The following LIMCH1 variants were observed in gnomAD, a reference collection of about 807,000 sequenced individuals.
The protein encoded by LIMCH1 is LIM and calponin homology domains 1, also known as LIM and calponin homology domains-containing protein 1.
Under a neutral mutation model 176.5 loss-of-function variants are expected in LIMCH1, and 113 were observed. That is an observed-to-expected ratio of 0.64 (90% confidence interval 0.55 to 0.75). The LOEUF is 0.75. LIMCH1 is among the 30% of genes least tolerant of loss of function. The probability of loss-of-function intolerance (pLI) is 0.00; values close to 1 mark genes in which losing one functional copy is unlikely to be tolerated. For synonymous variants in LIMCH1, 619 were observed against 645.9 expected, an observed-to-expected ratio of 0.96 and a Z score of 0.63; for missense variants, 1,674 against 1,814.9, an observed-to-expected ratio of 0.92 and a Z score of 1.41.
At chr4:41,477,151 A>G (rs2067869652) in intron 1 of LIMCH1, among the ~76,000 whole-genome samples, 1 of 152,184 alleles carries the variant, frequency 6.6e-6, no homozygotes, top group Non-Finnish European at 1.5e-5. Context: ...TGCTAGCTAT[A>G]GGAAATTGGG....
At chr4:41,497,976 C>T (rs981998844) in intron 2 of LIMCH1, among the ~76,000 whole-genome samples, 2 of 152,054 alleles carry the variant, frequency 1.3e-5, no homozygotes, top group Admixed American at 6.6e-5. Flanking sequence ...GGTGGCAGTG[C>T]AGAGGGTGAA....
At chr4:41,463,645 G>A (rs1333813117) in intron 1 of LIMCH1, among the ~76,000 whole-genome samples, 3 of 150,860 alleles carry the variant, frequency 2.0e-5, no homozygotes, top group Non-Finnish European at 2.9e-5. Flanking sequence ...TCATGATCTC[G>A]GCTCACTGCA....
chr4:41,552,712 T>C (rs2152520514), intron 1 of LIMCH1, among the ~76,000 whole-genome samples: 1 of 152,344 alleles, frequency 6.6e-6, no homozygotes, highest in Non-Finnish European at 1.5e-5. Context: ...GGAGCTTGGA[T>C]AAAATAGCTT....
rs544514037 is a variant in LIMCH1, at chr4:41,402,365, T to G, written c.96+41429T>G. Among the ~76,000 whole-genome samples the G allele has an allele frequency of 2.0e-5, 3 of 151,430 alleles. No homozygotes were observed. In the East Asian group the frequency reaches 5.8e-4, roughly 29 times the overall value. ...GGATGTGGAGAAATAGGAACACTTT[T>G]ACACGGTTGGTGGGACTGTAAACTA... is the stretch of plus-strand genomic sequence containing the variant. On this transcript the variant is annotated intron_variant, in intron 1 of 26. Transcript: ENST00000313860.
chr4:41,396,342 A>C (rs956128580), intron 1 of LIMCH1, among the ~76,000 whole-genome samples: 1 of 152,198 alleles, frequency 6.6e-6, no homozygotes, highest in Admixed American at 6.5e-5. Flanking sequence ...TGAAATCTGC[A>C]TGTCTATTTC....
At chr4:41,654,771 G>C (rs1410497461) in intron 18 of LIMCH1, among the ~76,000 whole-genome samples, 1 of 152,160 alleles carries the variant, frequency 6.6e-6, no homozygotes, top group Non-Finnish European at 1.5e-5. Flanking sequence ...ACCCCAAGAA[G>C]GATAAGAGGT....
At chr4:41,388,569 A>G (rs1465433813) in intron 1 of LIMCH1, among the ~76,000 whole-genome samples, 1 of 152,258 alleles carries the variant, frequency 6.6e-6, no homozygotes, top group African/African-American at 2.4e-5. Context: ...GCACAATTCT[A>G]TAAATTCACT....
intron 1 of LIMCH1, among the ~76,000 whole-genome samples, chr4:41,558,062 C>T (rs1291733892): frequency 6.6e-6 from 1 of 152,002 alleles, no homozygotes; most frequent in African/African-American, 2.4e-5. Context: ...CTCAAGGACC[C>T]CTCACGGTGC....
chr4:41,371,365 G>T (rs1323255025), intron 1 of LIMCH1, among the ~76,000 whole-genome samples: 1 of 152,172 alleles, frequency 6.6e-6, no homozygotes, highest in Non-Finnish European at 1.5e-5. Context: ...TTAGGACCAT[G>T]ATGAAAAATC....
chr4:41,407,149 T>C (rs925797708), intron 1 of LIMCH1, among the ~76,000 whole-genome samples: 2 of 152,048 alleles, frequency 1.3e-5, no homozygotes, highest in African/African-American at 4.8e-5. Context: ...TTTGTGTTGG[T>C]CCTCGTGTTT....
At chr4:41,371,753 A>T (rs2054001073) in intron 1 of LIMCH1, among the ~76,000 whole-genome samples, 1 of 152,160 alleles carries the variant, frequency 6.6e-6, no homozygotes, top group African/African-American at 2.4e-5. Context: ...TAGTGCCCAC[A>T]TGATAGTTCT....
In LIMCH1 at chr4:41,681,051, G is replaced by A. The variant is rs754515014; in HGVS notation, c.3709G>A (p.Gly1237Arg). The change falls in exon 25 of 32, where the codon GGG (glycine) becomes AGG (arginine). Residue 1237 changes from glycine to arginine, a missense_variant. Transcript: ENST00000503057. ...STSSSMTEGS[G>R]TMNKIDLGNC... ...CTCTTCCTCCATGACTGAAGGCAGT[G>A]GGACAATGGTGAGACCACAGATTAA... 6.2e-7 allele frequency: 1 copy of A among 1,601,120 alleles called. No individual in the cohort carries two copies. The highest frequency in any genetic ancestry group is 8.6e-7 in the Non-Finnish European group (1 of 1,169,034).
chr4:41,430,497 C>G (rs1037819670), intron 1 of LIMCH1, among the ~76,000 whole-genome samples: 5 of 152,210 alleles, frequency 3.3e-5, no homozygotes, highest in African/African-American at 1.2e-4. Flanking sequence ...CTCCTGACCT[C>G]AAGATCTGTC....
intron 1 of LIMCH1, among the ~76,000 whole-genome samples, chr4:41,393,946 T>G (rs1267946633): frequency 6.6e-6 from 1 of 152,186 alleles, no homozygotes; most frequent in African/African-American, 2.4e-5. Flanking sequence ...CGTTTTACTG[T>G]GTCATTAGGA....
At chr4:41,684,584 A>G in intron 27 of LIMCH1, 66 bp downstream of exon 27, 1 of 1,576,124 alleles carries the variant, frequency 6.3e-7, no homozygotes, top group Non-Finnish European at 8.7e-7. Context: ...CATTGTCCAG[A>G]AAGCTATGAT....
At chr4:41,545,075 C>T (rs907979291) in intron 1 of LIMCH1, among the ~76,000 whole-genome samples, 2 of 152,224 alleles carry the variant, frequency 1.3e-5, no homozygotes, top group Non-Finnish European at 2.9e-5. Context: ...CTTTGTATAA[C>T]CTCAAAGTCA....
At chr4:41,509,805 C>T (rs1369850602) in intron 2 of LIMCH1, among the ~76,000 whole-genome samples, 2 of 152,130 alleles carry the variant, frequency 1.3e-5, no homozygotes, top group African/African-American at 4.8e-5. Context: ...TGAATCCTCA[C>T]CAAATAAATA....
At chr4:41,440,074 T>C (rs924447706) in intron 1 of LIMCH1, among the ~76,000 whole-genome samples, 1 of 152,308 alleles carries the variant, frequency 6.6e-6, no homozygotes, top group South Asian at 2.1e-4. Context: ...TACTGTGTAA[T>C]TTACAGCTGC....
intron 2 of LIMCH1, among the ~76,000 whole-genome samples, chr4:41,506,040 T>G (rs1412650357): frequency 6.6e-6 from 1 of 152,112 alleles, no homozygotes; most frequent in Non-Finnish European, 1.5e-5. Context: ...TTTCTTCAAG[T>G]GTAAGATTCT....
Sources: allele counts gnomAD v4.1 joint callset (sites outside exome capture counted in the v4.1 genomes callset), GRCh38; gene constraint gnomAD v4.1.1; transcripts MANE v1.5; gene names NCBI Gene and HGNC (gene_info 2026-07-23, HGNC 2026-07-21).